CDK8: variants seen among roughly 807,000 people sequenced by gnomAD.
CDK8 encodes the protein cyclin dependent kinase 8.
Under a neutral mutation model 71.5 loss-of-function variants are expected in CDK8, and 29 were observed. That is an observed-to-expected ratio of 0.41 (90% CI 0.30 to 0.55). The LOEUF (loss-of-function observed/expected upper bound fraction) is 0.55, where lower values mean the gene tolerates loss of function less well. Ranked by LOEUF, CDK8 falls within the 20% of genes least tolerant of loss-of-function variation. The pLI, the probability that CDK8 is intolerant of heterozygous loss-of-function variation, is 0.37. For synonymous variants in CDK8, 161 were observed against 192.1 expected, an observed-to-expected ratio of 0.84 and a Z score of 1.34; for missense variants, 288 against 572.6, an observed-to-expected ratio of 0.50 and a Z score of 5.07.
At chr13:26,263,064 G>A (rs1871843059) in intron 1 of CDK8, among the ~76,000 whole-genome samples, 1 of 152,140 alleles carries the variant, frequency 6.6e-6, no homozygotes. Context: ...AAGAAAACTT[G>A]TCAAGTCGTG....
intron 1 of CDK8, among the ~76,000 whole-genome samples, chr13:26,322,181 T>C (rs1201091064): frequency 6.6e-6 from 1 of 152,196 alleles, no homozygotes; most frequent in Non-Finnish European, 1.5e-5. Context: ...CATGGTTTCC[T>C]CCCTTCAAAT....
intron 4 of CDK8, among the ~76,000 whole-genome samples, chr13:26,360,273 T>C (rs558357616): frequency 2.0e-5 from 3 of 152,252 alleles, no homozygotes; most frequent in African/African-American, 4.8e-5. Flanking sequence ...CTGGGCAATA[T>C]AGTGAGACTC....
intron 3 of CDK8, among the ~76,000 whole-genome samples, chr13:26,351,933 T>C (rs1873695310): frequency 6.6e-6 from 1 of 152,110 alleles, no homozygotes; most frequent in African/African-American, 2.4e-5. Context: ...TTGCATTTGT[T>C]ATGTAGCCCT....
chr13:26,277,757 C>A (rs569969132), intron 1 of CDK8, among the ~76,000 whole-genome samples: 14 of 152,210 alleles, frequency 9.2e-5, no homozygotes, highest in African/African-American at 3.1e-4. Flanking sequence ...TATTTTGAAA[C>A]TGAAAATGTA....
chr13:26,353,337 C>T (rs1440866000), intron 3 of CDK8, among the ~76,000 whole-genome samples: 1 of 151,394 alleles, frequency 6.6e-6, no homozygotes, highest in East Asian at 1.9e-4. Flanking sequence ...TAACCTGTGT[C>T]ATAAATAGGT....
intron 1 of CDK8, among the ~76,000 whole-genome samples, chr13:26,279,135 A>G (rs190682897): frequency 6.7e-6 from 1 of 150,370 alleles, no homozygotes; most frequent in East Asian, 2.0e-4. Flanking sequence ...CCATCTCGAT[A>G]GTAAAAAAGG....
rs967746311 is a variant in CDK8 at position 26,337,684 on chromosome 13, TATG to T, written c.204+44_204+46del. ...TTATCATCGTTATTATCAACTGACT[TATG>T]AGTACCAACTATATAAGGCTCTGTA... On this transcript the variant is annotated intron_variant, in intron 2 of 12. Coordinates refer to ENST00000381527, the MANE Select transcript of CDK8 (RefSeq NM_001260.3). 3 of 885,914 alleles carry T rather than the reference TATG, an allele frequency of 3.4e-6. No homozygotes were observed. In the African/African-American group the frequency reaches 5.2e-5, roughly 15 times the overall value. 54.9% of individuals were successfully genotyped at this position (885,914 alleles called of 1,614,324 possible).
intron 1 of CDK8, among the ~76,000 whole-genome samples, chr13:26,327,579 G>A (rs1364478161): frequency 1.3e-5 from 2 of 152,040 alleles, no homozygotes; most frequent in Non-Finnish European, 2.9e-5. Flanking sequence ...CTGTAATCCC[G>A]GAACTTTGGG....
Position 26,405,111 on chromosome 13 carries a change from A to G in CDK8, c.*1030A>G, listed in dbSNP as rs554159648. On this transcript the variant is annotated 3_prime_UTR_variant, in exon 13 of 13. Coordinates refer to ENST00000381527, the MANE Select transcript of CDK8 (RefSeq NM_001260.3). The stretch of plus-strand genomic sequence containing the variant: ...CCTTAGAATTTTTGAGGAAAAAAAA[A>G]CCTATAACATACAATGTACTGTATC... The G allele has an allele frequency of 1.1e-5, 2 of 180,332 alleles. No individual in the cohort carries two copies. Among genetic ancestry groups the G allele is most frequent in the Non-Finnish European group, 2.4e-5 (2 of 84,346 alleles). 11.2% of individuals were successfully genotyped at this position (180,332 alleles called of 1,614,324 possible).
At chr13:26,322,600 C>G (rs1033669435) in intron 1 of CDK8, among the ~76,000 whole-genome samples, 1 of 152,178 alleles carries the variant, frequency 6.6e-6, no homozygotes, top group South Asian at 2.1e-4. Flanking sequence ...CTACCTGTAT[C>G]TGGGACTACT....
chr13:26,282,551 A>G (rs2137887724), intron 1 of CDK8, among the ~76,000 whole-genome samples: 1 of 152,332 alleles, frequency 6.6e-6, no homozygotes, highest in Non-Finnish European at 1.5e-5. Flanking sequence ...GCACTACAAG[A>G]AATGCTAAAA....
At chr13:26,374,479 A>T (rs1462228766) in intron 4 of CDK8, among the ~76,000 whole-genome samples, 3 of 152,218 alleles carry the variant, frequency 2.0e-5, no homozygotes, top group Non-Finnish European at 2.9e-5. Flanking sequence ...ATCACTAAAG[A>T]TATGATAAAT....
chr13:26,271,806 C>CTTTTTTTTTTTTTTTTTTTTTTTTTTTTT lies in CDK8; in HGVS notation c.128+17045_128+17073dup. 3.2e-5 allele frequency among the ~76,000 whole-genome samples: 2 copies of CTTTTTTTTTTTTTTTTTTTTTTTTTTTTT among 62,684 alleles called. 1 individual carries two copies. Among genetic ancestry groups the CTTTTTTTTTTTTTTTTTTTTTTTTTTTTT allele is most frequent in the Admixed American group, 4.2e-4 (2 of 4,770 alleles). The allele number at this position is 62,684 out of a possible 152,430, so 41.1% of individuals were successfully genotyped here. A position where few individuals can be genotyped will look rare whatever the true frequency, so the allele number is the denominator to read the frequency against. ...CCTGGGGGACAGAGTGAGACCCTGT[C>CTTTTTTTTTTTTTTTTTTTTTTTTTTTTT]TTTTTTTTTTTTTTTTTTTTTTTTT... On this transcript the variant is annotated intron_variant, in intron 1 of 12. Coordinates refer to ENST00000381527, the MANE Select transcript of CDK8 (RefSeq NM_001260.3).
intron 1 of CDK8, among the ~76,000 whole-genome samples, chr13:26,295,632 G>A (rs190374678): frequency 2.6e-5 from 4 of 152,290 alleles, no homozygotes; most frequent in East Asian, 1.9e-4. Context: ...TTTGGGAGAC[G>A]TTCCTGAATC....
chr13:26,399,669 C>T (rs947628596), intron 9 of CDK8, among the ~76,000 whole-genome samples: 1 of 152,216 alleles, frequency 6.6e-6, no homozygotes, highest in African/African-American at 2.4e-5. Context: ...ATAGTACTTT[C>T]TTTATGCTAG....
chr13:26,303,370 G>A (rs545966564), intron 1 of CDK8, among the ~76,000 whole-genome samples: 6 of 151,568 alleles, frequency 4.0e-5, no homozygotes, highest in African/African-American at 7.3e-5. Context: ...GCACGATCTC[G>A]GTTTGTTGCA....
Position 26,254,410 on chromosome 13 carries a change from A to C in CDK8, c.-232A>C. 2 of 378,118 alleles carry C rather than the reference A, an allele frequency of 5.3e-6. No homozygotes were observed. Among genetic ancestry groups the C allele is most frequent in the South Asian group, 6.5e-5 (2 of 30,734 alleles). 23.4% of individuals were successfully genotyped at this position (378,118 alleles called of 1,614,324 possible). A position where few individuals can be genotyped will look rare whatever the true frequency, so the allele number is the denominator to read the frequency against. On this transcript the variant is annotated 5_prime_UTR_variant, in exon 1 of 13. Coordinates refer to ENST00000381527, the MANE Select transcript of CDK8 (RefSeq NM_001260.3). This position sits in a 1 kb window ranked among gnomAD's most constrained non-coding sequence, Gnocchi z 6.7. ...TCCCTCGGCTCTCCTTCGCCGGGGGATCCTCCCCGTTCCTCCACCCCCGGC... is the reference window on the plus strand; with the variant it reads ...TCCCTCGGCTCTCCTTCGCCGGGGGCTCCTCCCCGTTCCTCCACCCCCGGC...
rs866994340 is a variant in CDK8, at chr13:26,268,308, C to G, written c.128+13539C>G. Reference sequence around the variant, plus strand: ...ACACACACACACACACACACACACACAGTCCTGTGTATGTTATTTTATTTT... The same window carrying G: ...ACACACACACACACACACACACACAGAGTCCTGTGTATGTTATTTTATTTT... On this transcript the variant is annotated intron_variant, in intron 1 of 12. Coordinates refer to ENST00000381527, the MANE Select transcript of CDK8 (RefSeq NM_001260.3). 3.5e-4 allele frequency among the ~76,000 whole-genome samples: 35 copies of G among 99,838 alleles called. No homozygotes were observed. The East Asian group carries it at 0.012, about 34-fold the overall frequency. The allele number at this position is 99,838 out of a possible 152,430, so 65.5% of individuals were successfully genotyped here.
intron 2 of CDK8, among the ~76,000 whole-genome samples, chr13:26,343,552 A>AT (rs1327886380): frequency 1.3e-5 from 2 of 152,188 alleles, no homozygotes; most frequent in Non-Finnish European, 2.9e-5. Flanking sequence ...CAAAACAAAG[A>AT]TAAAAAATGG....
Sources: gnomAD v4.1 joint callset for allele counts (sites outside exome capture counted in the v4.1 genomes callset) on GRCh38, gnomAD v4.1.1 for gene constraint, Gnocchi (gnomAD v3.1) non-coding constraint, MANE v1.5 for transcripts, NCBI Gene and HGNC (gene_info 2026-07-23, HGNC 2026-07-21) for gene names.